The following GRID2 variants were observed in gnomAD, a reference collection of about 807,000 sequenced individuals.
GRID2 encodes the protein glutamate receptor ionotropic, delta-2.
In GRID2, 33 loss-of-function variants were observed where a neutral mutation model predicts 114.8. The ratio of observed to expected loss-of-function variants is 0.29; its 90% CI spans 0.22 to 0.38. GRID2 has a LOEUF of 0.38. Among genes scored for constraint, GRID2 ranks in the 10% least tolerant of loss-of-function variants. The pLI is 1.00. For missense variants in GRID2, 1,184 were observed against 1,257.7 expected, an observed-to-expected ratio of 0.94 and a Z score of 0.89; for synonymous variants, 505 against 449.9, an observed-to-expected ratio of 1.12 and a Z score of -1.55.
At chr4:92,743,297 A>G (rs562620442) in intron 2 of GRID2, among the ~76,000 whole-genome samples, 3 of 152,282 alleles carry the variant, frequency 2.0e-5, no homozygotes, top group East Asian at 3.9e-4. Flanking sequence ...CATCATCATC[A>G]TCATCTAAAA....
At chr4:93,438,218 C>G (rs1257649066) in intron 10 of GRID2, among the ~76,000 whole-genome samples, 2 of 151,958 alleles carry the variant, frequency 1.3e-5, no homozygotes, top group Non-Finnish European at 2.9e-5. Flanking sequence ...ACACGAAAAA[C>G]AAATGTGTAG....
intron 14 of GRID2, among the ~76,000 whole-genome samples, chr4:93,703,945 G>A (rs1368555473): frequency 3.3e-5 from 5 of 151,926 alleles, no homozygotes; most frequent in Admixed American, 2.6e-4. Context: ...GAATAGTGCC[G>A]TGATAAACAT....
At position 93,455,824 on chromosome 4, in the gene GRID2, T is replaced by C; in HGVS notation, c.1708T>C (p.Trp570Arg). The change falls in exon 11 of 16, where the codon TGG becomes CGG. Residue 570 changes from tryptophan (W) to arginine (R), a missense_variant. This residue lies in a region of GRID2 where 717 missense variants were observed against 796.9 expected (regional missense o/e 0.90). Coordinates refer to ENST00000282020, the MANE Select transcript of GRID2 (RefSeq NM_001510.4). ...TCTTGCACCATTTGATCTCTCTCTA[T>C]GGGCTTGCATTGCTGGCACAGTCCT... ...ACLAPFDLSL[W>R]ACIAGTVLLV... 6.2e-7 allele frequency: 1 copy of C among 1,613,756 alleles called. No individual in the cohort carries two copies. Among genetic ancestry groups the C allele is most frequent in the Non-Finnish European group, 8.5e-7 (1 of 1,179,694 alleles).
intron 2 of GRID2, among the ~76,000 whole-genome samples, chr4:92,831,679 T>C (rs1044610329): frequency 1.3e-5 from 2 of 151,810 alleles, no homozygotes; most frequent in Non-Finnish European, 2.9e-5. Context: ...CGTAAGGAGA[T>C]GCTGTCTCTA....
At chr4:93,292,692 T>C (rs1368280787) in intron 8 of GRID2, among the ~76,000 whole-genome samples, 1 of 152,184 alleles carries the variant, frequency 6.6e-6, no homozygotes, top group African/African-American at 2.4e-5. Context: ...AATAGTGGTT[T>C]TTATCTTAAA....
At chr4:92,454,177 G>GT (rs1721091687) in intron 1 of GRID2, among the ~76,000 whole-genome samples, 1 of 152,086 alleles carries the variant, frequency 6.6e-6, no homozygotes, top group South Asian at 2.1e-4. Context: ...TCATAAATGT[G>GT]TTTTTCTTTC....
At chr4:93,139,786 C>T (rs1363765468) in intron 4 of GRID2, among the ~76,000 whole-genome samples, 2 of 151,420 alleles carry the variant, frequency 1.3e-5, no homozygotes, top group South Asian at 2.1e-4. Flanking sequence ...ACACACATAG[C>T]TGTAAATTAT....
intron 2 of GRID2, among the ~76,000 whole-genome samples, chr4:92,662,727 C>T (rs1351386365): frequency 1.3e-5 from 2 of 151,146 alleles, no homozygotes; most frequent in African/African-American, 4.8e-5. Flanking sequence ...TTATCTGGAA[C>T]ATATATTCCA....
chr4:93,032,361 T>C (rs1334420365), intron 2 of GRID2, among the ~76,000 whole-genome samples: 1 of 152,188 alleles, frequency 6.6e-6, no homozygotes, highest in Non-Finnish European at 1.5e-5. Context: ...GATCACAAAA[T>C]TGAATCTTGA....
chr4:92,397,845 C>T (rs1675885134), intron 1 of GRID2, among the ~76,000 whole-genome samples: 1 of 152,120 alleles, frequency 6.6e-6, no homozygotes, highest in Non-Finnish European at 1.5e-5. Flanking sequence ...TTATTTCTTC[C>T]ACACCTTTGA....
At chr4:92,974,910 C>T (rs1232685042) in intron 2 of GRID2, among the ~76,000 whole-genome samples, 1 of 151,790 alleles carries the variant, frequency 6.6e-6, no homozygotes, top group African/African-American at 2.4e-5. Context: ...GTAATCCCAG[C>T]ACTTTGGGAG....
At chr4:92,314,202 C>T (rs1725849539) in intron 1 of GRID2, among the ~76,000 whole-genome samples, 1 of 151,770 alleles carries the variant, frequency 6.6e-6, no homozygotes. Context: ...ATTTAGTTTC[C>T]CAGATTGCCA....
chr4:92,927,103 A>G (rs80139373), intron 2 of GRID2, among the ~76,000 whole-genome samples: 2,279 of 152,036 alleles, frequency 0.015, 21 homozygotes, highest in East Asian at 0.055. Flanking sequence ...ACATCTTTCT[A>G]GTATTATGAA....
intron 9 of GRID2, among the ~76,000 whole-genome samples, chr4:93,414,623 T>G (rs1174817384): frequency 3.3e-5 from 5 of 151,654 alleles, no homozygotes; most frequent in Admixed American, 3.3e-4. Context: ...TTCTCACATA[T>G]GCCTTCTTCT....
At chr4:93,767,519 G>A (rs905489784) in intron 14 of GRID2, among the ~76,000 whole-genome samples, 6 of 152,140 alleles carry the variant, frequency 3.9e-5, no homozygotes, top group African/African-American at 4.8e-5. Context: ...GGTTGTGGGG[G>A]AGGTTTCAGA....
chr4:92,681,328 G>A (rs1234411721), intron 2 of GRID2, among the ~76,000 whole-genome samples: 1 of 151,996 alleles, frequency 6.6e-6, no homozygotes, highest in Admixed American at 6.6e-5. Flanking sequence ...TTGTGGGTGT[G>A]GATCATGAAC....
At chr4:92,397,445 ACAT>A (rs1730552888) in intron 1 of GRID2, among the ~76,000 whole-genome samples, 1 of 151,876 alleles carries the variant, frequency 6.6e-6, no homozygotes, top group Non-Finnish European at 1.5e-5. Flanking sequence ...CCTAGCACTG[ACAT>A]CATTCAAGAG....
At chr4:93,663,831 G>A (rs1458303777) in intron 14 of GRID2, among the ~76,000 whole-genome samples, 1 of 152,158 alleles carries the variant, frequency 6.6e-6, no homozygotes, top group African/African-American at 2.4e-5. Context: ...AGTTACCCAG[G>A]GTATCTCAGT....
chr4:93,019,578 A>T (rs758251986), intron 2 of GRID2, among the ~76,000 whole-genome samples: 1 of 152,114 alleles, frequency 6.6e-6, no homozygotes, highest in Non-Finnish European at 1.5e-5. Context: ...TAGCCTTAAA[A>T]ATAATAAAAA....
Sources: allele counts gnomAD v4.1 joint callset (sites outside exome capture counted in the v4.1 genomes callset), GRCh38; gene constraint gnomAD v4.1.1; regional missense constraint gnomAD v4.1.1; transcripts MANE v1.5; gene names NCBI Gene and HGNC (gene_info 2026-07-23, HGNC 2026-07-21).